The following NCKAP5 variants were observed in gnomAD, a reference collection of about 807,000 sequenced individuals.
The protein encoded by NCKAP5 is NCK associated protein 5, also known as nck-associated protein 5.
A neutral mutation model predicts 167.0 loss-of-function variants in NCKAP5; 92 were observed. The ratio of observed to expected loss-of-function variants is 0.55; its 90% CI spans 0.47 to 0.66. The LOEUF (loss-of-function observed/expected upper bound fraction) is 0.66, where lower values mean the gene tolerates loss of function less well. Ranked by LOEUF, NCKAP5 falls within the 30% of genes least tolerant of loss-of-function variation. The pLI is 0.00. For missense variants in NCKAP5, 2,378 were observed against 2,315.0 expected (o/e 1.03, Z -0.56); for synonymous variants, 891 against 877.4 (o/e 1.02, Z -0.27).
chr2:133,431,369 T>C (rs1393060740), intron 3 of NCKAP5, among the ~76,000 whole-genome samples: 1 of 152,166 alleles, frequency 6.6e-6, no homozygotes, highest in Non-Finnish European at 1.5e-5. Context: ...TTACTGTATG[T>C]TGATACAACA....
chr2:132,741,146 T>C (rs1040329066), intron 16 of NCKAP5, among the ~76,000 whole-genome samples: 5 of 152,138 alleles, frequency 3.3e-5, no homozygotes, highest in African/African-American at 1.2e-4. Context: ...AACTCCTTCA[T>C]GTGCTTCTTC....
chr2:132,763,120 A>G (rs1210448789), intron 16 of NCKAP5, among the ~76,000 whole-genome samples: 1 of 152,226 alleles, frequency 6.6e-6, no homozygotes, highest in African/African-American at 2.4e-5. Context: ...AAAATGAAGA[A>G]GTATTTTACT....
chr2:132,941,114 C>A (rs1697264534), intron 8 of NCKAP5, among the ~76,000 whole-genome samples: 1 of 152,180 alleles, frequency 6.6e-6, no homozygotes, highest in African/African-American at 2.4e-5. Flanking sequence ...AGAAACAGAG[C>A]AAATCCTCAA....
intron 9 of NCKAP5, among the ~76,000 whole-genome samples, chr2:132,870,817 T>C (rs1690756811): frequency 6.6e-6 from 1 of 151,498 alleles, no homozygotes; most frequent in East Asian, 1.9e-4. Flanking sequence ...TCACAACAGC[T>C]GGCTACCAGT....
chr2:133,059,140 A>T (rs2079903218), intron 6 of NCKAP5, among the ~76,000 whole-genome samples: 2 of 151,918 alleles, frequency 1.3e-5, no homozygotes, highest in African/African-American at 4.8e-5. Flanking sequence ...TCTACTAAAA[A>T]TACAAAAAAA....
chr2:132,703,195 A>C (rs542414028), intron 19 of NCKAP5, among the ~76,000 whole-genome samples: 1 of 152,308 alleles, frequency 6.6e-6, no homozygotes, highest in East Asian at 1.9e-4. Flanking sequence ...AGATTAAAAA[A>C]TTTAAAAAGT....
At position 132,728,827 on chromosome 2, in the gene NCKAP5, T is replaced by C. The variant is rs753173897; in HGVS notation, c.5569A>G (p.Thr1857Ala). The C allele has an allele frequency of 1.2e-6, 2 of 1,613,844 alleles. No homozygotes were observed. Among genetic ancestry groups the C allele is most frequent in the Non-Finnish European group, 1.7e-6 (2 of 1,179,820 alleles). Residue 1857 changes from threonine (T) to alanine (A), a missense_variant, in exon 18 of 20, where the codon ACC becomes GCC. Transcript: ENST00000409261. Reference protein sequence around the residue: ...LPDWGSEVAATGTQDKAPRMC... With the variant: ...LPDWGSEVAAAGTQDKAPRMC... ...CCCCGACCCCTCACCTGGGTCCCGGTGGCAGCAACTTCACTCCCCCAGTCT... is the reference window on the plus strand; with the variant it reads ...CCCCGACCCCTCACCTGGGTCCCGGCGGCAGCAACTTCACTCCCCCAGTCT...
chr2:132,798,231 C>A (rs1187934827), intron 11 of NCKAP5, among the ~76,000 whole-genome samples: 2 of 152,152 alleles, frequency 1.3e-5, no homozygotes. Flanking sequence ...ATCTGACTTT[C>A]CTGGGGGCAA....
chr2:132,797,491 T>C (rs1356314512), intron 11 of NCKAP5, among the ~76,000 whole-genome samples: 1 of 152,222 alleles, frequency 6.6e-6, no homozygotes, highest in African/African-American at 2.4e-5. Flanking sequence ...TTAATGTTTC[T>C]GCTAGGCTGA....
At chr2:133,366,384 C>A (rs568990479) in intron 3 of NCKAP5, among the ~76,000 whole-genome samples, 1 of 152,146 alleles carries the variant, frequency 6.6e-6, no homozygotes, top group Non-Finnish European at 1.5e-5. Flanking sequence ...CTCACTGTAA[C>A]CTCTGCATCC....
At chr2:133,659,472 G>A in the NCKAP5 span, among the ~76,000 whole-genome samples, 1 of 151,972 alleles carries the variant, frequency 6.6e-6, no homozygotes, top group Non-Finnish European at 1.5e-5. Flanking sequence ...AAAAACACAA[G>A]CAACAAAAGA....
intron 3 of NCKAP5, among the ~76,000 whole-genome samples, chr2:133,504,908 T>C (rs1414170060): frequency 2.0e-5 from 3 of 152,108 alleles, no homozygotes; most frequent in Admixed American, 2.0e-4. Context: ...TGTTCCCCAG[T>C]TCCCCCCCAA....
intron 6 of NCKAP5, among the ~76,000 whole-genome samples, chr2:133,110,618 G>A (rs2081875733): frequency 6.6e-6 from 1 of 152,196 alleles, no homozygotes; most frequent in South Asian, 2.1e-4. Context: ...ATCCTGGTGT[G>A]CTTTCTTGAG....
chr2:133,459,770 C>T (rs1692088036), intron 3 of NCKAP5, among the ~76,000 whole-genome samples: 1 of 152,120 alleles, frequency 6.6e-6, no homozygotes, highest in Non-Finnish European at 1.5e-5. Flanking sequence ...TCACACAATG[C>T]ATGGGTAATT....
chr2:133,367,964 C>T (rs1474208333), intron 3 of NCKAP5, among the ~76,000 whole-genome samples: 1 of 152,136 alleles, frequency 6.6e-6, no homozygotes, highest in Non-Finnish European at 1.5e-5. Flanking sequence ...TGAGGAGCTG[C>T]AGGTGGAGAC....
intron 5 of NCKAP5, among the ~76,000 whole-genome samples, chr2:133,155,899 T>A (rs2083560272): frequency 6.6e-6 from 1 of 152,224 alleles, no homozygotes; most frequent in African/African-American, 2.4e-5. Flanking sequence ...CTTTCTCTTT[T>A]TCTACGTGTG....
intron 6 of NCKAP5, among the ~76,000 whole-genome samples, chr2:133,110,334 A>G (rs559246821): frequency 1.3e-5 from 2 of 152,170 alleles, no homozygotes; most frequent in East Asian, 1.9e-4. Flanking sequence ...AGTATTTACA[A>G]CTAGTAGGGC....
At chr2:132,796,293 T>C (rs1248595872) in intron 12 of NCKAP5, among the ~76,000 whole-genome samples, 2 of 152,150 alleles carry the variant, frequency 1.3e-5, no homozygotes, top group Non-Finnish European at 2.9e-5. Flanking sequence ...ATACATAATA[T>C]ATCATAAAAG....
At chr2:132,866,164 A>G (rs1049582240) in intron 10 of NCKAP5, among the ~76,000 whole-genome samples, 1 of 152,198 alleles carries the variant, frequency 6.6e-6, no homozygotes, top group Non-Finnish European at 1.5e-5. Flanking sequence ...TAAGCCTGAG[A>G]CTGTTCATAT....
Sources: allele counts gnomAD v4.1 joint callset (sites outside exome capture counted in the v4.1 genomes callset), GRCh38; gene constraint gnomAD v4.1.1; transcripts MANE v1.5; gene names NCBI Gene and HGNC (gene_info 2026-07-23, HGNC 2026-07-21).